The following TPD52 variants were observed in gnomAD, a reference collection of about 807,000 sequenced individuals.
The protein encoded by TPD52 is tumor protein D52, also known as prostate and colon associated protein.
Under a neutral mutation model 31.3 loss-of-function variants are expected in TPD52, and 17 were observed. That is an observed-to-expected ratio of 0.54 (90% CI 0.37 to 0.82). TPD52 has a LOEUF of 0.82. Ranked by LOEUF, TPD52 falls within the 40% of genes least tolerant of loss-of-function variation. The pLI, the probability that TPD52 is intolerant of heterozygous loss-of-function variation, is 0.00. For missense variants in TPD52, 212 were observed against 240.1 expected (o/e 0.88, Z 0.77); for synonymous variants, 83 against 89.6 (o/e 0.93, Z 0.42).
chr8:80,145,220 C>T (rs1042532825), intron 1 of TPD52, among the ~76,000 whole-genome samples: 3 of 152,214 alleles, frequency 2.0e-5, no homozygotes, highest in African/African-American at 7.2e-5. Flanking sequence ...TTCTTTGCTT[C>T]ACCCTGCCCT....
chr8:80,111,453 G>C (rs745724129), intron 1 of TPD52, among the ~76,000 whole-genome samples: 11 of 152,162 alleles, frequency 7.2e-5, no homozygotes, highest in Non-Finnish European at 1.2e-4. Flanking sequence ...GAACTGTTTG[G>C]TTAGTGTGTA....
chr8:80,125,944 C>G (rs1304756738), intron 1 of TPD52, among the ~76,000 whole-genome samples: 4 of 152,138 alleles, frequency 2.6e-5, no homozygotes, highest in Non-Finnish European at 4.4e-5. Flanking sequence ...GTGAGGAGGA[C>G]GTGAGCACTC....
Position 80,041,009 on chromosome 8 carries a change from T to G in TPD52, c.504+1611A>C, listed in dbSNP as rs1445714945. 2.0e-5 allele frequency among the ~76,000 whole-genome samples: 3 copies of G among 152,226 alleles called. No individual in the cohort carries two copies. In the East Asian group the frequency reaches 5.8e-4, roughly 29 times the overall value. ...GGGCTGAATGAATAAGCTGTAGGAC[T>G]GTGTGTGTACAGTGTAACTCCTCTT... On this transcript the variant is annotated intron_variant, in intron 7 of 7. Coordinates refer to ENST00000518937, the MANE Select transcript of TPD52 (RefSeq NM_001025253.3).
At chr8:80,051,706 G>T in intron 3 of TPD52, 78 bp from the exon 4 acceptor site, 1 of 1,119,272 alleles carries the variant, frequency 8.9e-7, no homozygotes, top group Non-Finnish European at 1.3e-6. Flanking sequence ...CAAGTGCAGT[G>T]GTCACCACCT....
chr8:80,038,248 T>A lies in TPD52; in HGVS notation c.505-13A>T. ...CCCCTACTTTAGACTTAAAAAAAAG[T>A]TCAAAAAAGGGAAAGACATTATGAA... On this transcript the variant is annotated splice_polypyrimidine_tract_variant and intron_variant, in intron 7 of 7. Coordinates refer to ENST00000518937, the MANE Select transcript of TPD52 (RefSeq NM_001025253.3). 6.2e-7 allele frequency: 1 copy of A among 1,610,604 alleles called. No individual in the cohort carries two copies. Among genetic ancestry groups the A allele is most frequent in the African/African-American group, 1.3e-5 (1 of 74,622 alleles).
intron 1 of TPD52, among the ~76,000 whole-genome samples, chr8:80,148,977 C>T (rs993509876): frequency 6.6e-6 from 1 of 151,988 alleles, no homozygotes; most frequent in Non-Finnish European, 1.5e-5. Context: ...TTAGCTGTAT[C>T]CATTAAAAAG....
At chr8:80,102,710 ATAAT>A (rs1347874406) in intron 1 of TPD52, among the ~76,000 whole-genome samples, 2 of 152,086 alleles carry the variant, frequency 1.3e-5, no homozygotes, top group African/African-American at 4.8e-5. Flanking sequence ...TATTAATGAG[ATAAT>A]TAGTAGCTGG....
chr8:80,128,466 T>C (rs1176596869), intron 1 of TPD52, among the ~76,000 whole-genome samples: 1 of 119,082 alleles, frequency 8.4e-6, no homozygotes, highest in Non-Finnish European at 1.6e-5. Flanking sequence ...ACCCCTAGCC[T>C]GAGCAACACA....
chr8:80,137,805 A>G (rs918852270), intron 1 of TPD52, among the ~76,000 whole-genome samples: 19 of 152,170 alleles, frequency 1.2e-4, no homozygotes, highest in African/African-American at 3.9e-4. Flanking sequence ...TCAGCAAGGT[A>G]GGGTGGCCTG....
At chr8:80,042,118 C>T (rs1810448606) in intron 7 of TPD52, 3 of 919,920 alleles carry the variant, frequency 3.3e-6, no homozygotes, top group Non-Finnish European at 3.9e-6. Context: ...TACAAGCAGC[C>T]ATTGCACATA....
At chr8:80,152,774 C>A (rs1164036357) in intron 1 of TPD52, among the ~76,000 whole-genome samples, 3 of 25,370 alleles carry the variant, frequency 1.2e-4, no homozygotes, top group Non-Finnish European at 1.8e-4. Context: ...GTGTGAGACT[C>A]CGTCTCAAAA....
chr8:80,151,573 A>C (rs952865378), intron 1 of TPD52, among the ~76,000 whole-genome samples: 5 of 152,232 alleles, frequency 3.3e-5, no homozygotes, highest in African/African-American at 4.8e-5. Context: ...ATCCCCAAAA[A>C]AAGATCAGTT....
chr8:80,139,432 G>C (rs1410989604), intron 1 of TPD52, among the ~76,000 whole-genome samples: 1 of 151,912 alleles, frequency 6.6e-6, no homozygotes, highest in Non-Finnish European at 1.5e-5. Context: ...AATTTTTTCA[G>C]AGTTTCAGAC....
Position 80,038,017 on chromosome 8 carries a change from G to T in TPD52, c.*99C>A. 1 of 1,509,336 alleles carries T rather than the reference G, an allele frequency of 6.6e-7. No individual in the cohort carries two copies. Among genetic ancestry groups the T allele is most frequent in the East Asian group, 2.3e-5 (1 of 43,846 alleles). The allele number at this position is 1,509,336 out of a possible 1,614,324, so 93.5% of individuals were successfully genotyped here. A position where few individuals can be genotyped will look rare whatever the true frequency, so the allele number is the denominator to read the frequency against. Reference sequence around the variant, plus strand: ...AAGGAATATGTAAAGCTAAATAAAAGCACATCTGGTAGAAATTCATGGCAA... The same window carrying T: ...AAGGAATATGTAAAGCTAAATAAAATCACATCTGGTAGAAATTCATGGCAA... On this transcript the variant is annotated 3_prime_UTR_variant, in exon 8 of 8. Coordinates refer to ENST00000518937, the MANE Select transcript of TPD52 (RefSeq NM_001025253.3).
At position 80,063,680 on chromosome 8, in the gene TPD52, C is replaced by T. The variant is rs902208317; in HGVS notation, c.135+798G>A. 1.8e-4 allele frequency among the ~76,000 whole-genome samples: 28 copies of T among 151,874 alleles called. No homozygotes were observed. In the East Asian group the frequency reaches 5.4e-3, roughly 30 times the overall value. ...AGCACAGTGGCAGACGCCTGTAATC[C>T]CAGCTACTCAGGAGGCTGAGGCAGG... is the stretch of plus-strand genomic sequence containing the variant. On this transcript the variant is annotated intron_variant, in intron 2 of 7. Transcript: ENST00000518937.
chr8:80,088,170 A>G (rs1474080592), intron 1 of TPD52, among the ~76,000 whole-genome samples: 1 of 152,170 alleles, frequency 6.6e-6, no homozygotes, highest in African/African-American at 2.4e-5. Flanking sequence ...AGAGCCGGGC[A>G]GTAAGGATAA....
chr8:80,093,399 T>G (rs1385144669), intron 1 of TPD52, among the ~76,000 whole-genome samples: 1 of 152,154 alleles, frequency 6.6e-6, no homozygotes, highest in Admixed American at 6.5e-5. Flanking sequence ...CAAGCGACTG[T>G]CACAACCCTA....
chr8:80,089,657 C>A (rs1295330961), intron 1 of TPD52, among the ~76,000 whole-genome samples: 1 of 152,178 alleles, frequency 6.6e-6, no homozygotes, highest in African/African-American at 2.4e-5. Context: ...CAAGCAATGA[C>A]CTTTAATGAT....
chr8:80,075,256 C>T (rs1814400656), intron 1 of TPD52, among the ~76,000 whole-genome samples: 1 of 152,042 alleles, frequency 6.6e-6, no homozygotes, highest in Admixed American at 6.6e-5. Context: ...GGATTACAGG[C>T]GTGAGCCACC....
Sources: gnomAD v4.1 joint callset for allele counts (sites outside exome capture counted in the v4.1 genomes callset) on GRCh38, gnomAD v4.1.1 for gene constraint, MANE v1.5 for transcripts, NCBI Gene and HGNC (gene_info 2026-07-23, HGNC 2026-07-21) for gene names.